Variants in GPBP1L1 observed in about 807,000 individuals in gnomAD.
The protein encoded by GPBP1L1 is GC-rich promoter binding protein 1 like 1, also known as vasculin-like protein 1.
In GPBP1L1, 23 loss-of-function variants were observed where a neutral mutation model predicts 52.5. The observed-to-expected ratio is 0.44, with a 90% CI of 0.32 to 0.62. The LOEUF (loss-of-function observed/expected upper bound fraction) is 0.62. Ranked by LOEUF, GPBP1L1 falls within the 20% of genes least tolerant of loss-of-function variation. The pLI, the probability that GPBP1L1 is intolerant of heterozygous loss-of-function variation, is 0.06. For synonymous variants in GPBP1L1, 243 were observed against 203.1 expected, an observed-to-expected ratio of 1.20 and a Z score of -1.67; for missense variants, 596 against 579.3, an observed-to-expected ratio of 1.03 and a Z score of -0.30.
Position 45,654,741 on chromosome 1 carries a change from T to C in GPBP1L1, c.279A>G (p.Pro93=), listed in dbSNP as rs762169342. ...CTCGGGAAGAGCTATGCCAACCAGATGGGTTCCCTGTGATTCCAGCATATG... is the reference window on the plus strand; with the variant it reads ...CTCGGGAAGAGCTATGCCAACCAGACGGGTTCCCTGTGATTCCAGCATATG... ...KGAYAGITGN[P]SGWHSSSRGH... Residue 93 remains proline, a synonymous_variant, in exon 6 of 13, where the codon CCA becomes CCG. Transcript: ENST00000355105. The C allele has an allele frequency of 1.1e-5, 17 of 1,614,008 alleles. No individual in the cohort carries two copies. In the African/African-American group the frequency reaches 1.1e-4, roughly 10 times the overall value.
At chr1:45,682,121 A>T (rs1284523500) in intron 2 of GPBP1L1, among the ~76,000 whole-genome samples, 1 of 152,266 alleles carries the variant, frequency 6.6e-6, no homozygotes, top group Non-Finnish European at 1.5e-5. Flanking sequence ...GGTAAGACGA[A>T]TTAAAAAGTA....
intron 7 of GPBP1L1, among the ~76,000 whole-genome samples, chr1:45,642,215 T>C (rs1257864839): frequency 6.6e-6 from 1 of 152,178 alleles, no homozygotes; most frequent in Non-Finnish European, 1.5e-5. Context: ...GTCTGTATTT[T>C]GACTCTACTA....
intron 6 of GPBP1L1, among the ~76,000 whole-genome samples, chr1:45,644,862 T>C (rs1201681313): frequency 1.3e-5 from 2 of 152,212 alleles, no homozygotes; most frequent in African/African-American, 4.8e-5. Context: ...CTTTATAAAG[T>C]AGTATACTTC....
chr1:45,659,497 G>A (rs1431842402), intron 3 of GPBP1L1, among the ~76,000 whole-genome samples: 2 of 152,074 alleles, frequency 1.3e-5, no homozygotes, highest in African/African-American at 4.8e-5. Flanking sequence ...TGCGCCCAGT[G>A]AATCTGGAAG....
At chr1:45,667,178 C>T (rs11211158) in intron 2 of GPBP1L1, among the ~76,000 whole-genome samples, 2 of 151,708 alleles carry the variant, frequency 1.3e-5, no homozygotes, top group African/African-American at 4.8e-5. Context: ...TTTTTAATTG[C>T]TTATGATGGT....
chr1:45,631,593 T>TA (rs1286606073), intron 10 of GPBP1L1, among the ~76,000 whole-genome samples: 3 of 151,998 alleles, frequency 2.0e-5, no homozygotes, highest in South Asian at 4.2e-4. Flanking sequence ...TTCATTAAAA[T>TA]AAAAAAAATT....
At chr1:45,651,382 G>C (rs150722059) in intron 6 of GPBP1L1, 112 of 384,140 alleles carry the variant, frequency 2.9e-4, no homozygotes, top group African/African-American at 2.3e-3. Context: ...GAGTCTTCGT[G>C]TTCTCCACCA....
intron 2 of GPBP1L1, among the ~76,000 whole-genome samples, chr1:45,666,283 C>T (rs752772658): frequency 6.6e-6 from 1 of 151,800 alleles, no homozygotes; most frequent in Non-Finnish European, 1.5e-5. Context: ...GTAGCTGGGA[C>T]TACAGGCGCC....
chr1:45,645,724 T>C (rs537114230), intron 6 of GPBP1L1: 2 of 339,608 alleles, frequency 5.9e-6, no homozygotes, highest in Non-Finnish European at 1.1e-5. Context: ...TGTTCTTCAG[T>C]AGTTCTCAGG....
intron 8 of GPBP1L1, among the ~76,000 whole-genome samples, chr1:45,637,465 C>T (rs934483026): frequency 1.4e-5 from 2 of 147,924 alleles, no homozygotes; most frequent in African/African-American, 5.0e-5. Context: ...CCACCTCTGC[C>T]AACTGTTACC....
chr1:45,674,119 G>C (rs1415251936), intron 2 of GPBP1L1, among the ~76,000 whole-genome samples: 2 of 152,098 alleles, frequency 1.3e-5, no homozygotes, highest in African/African-American at 4.8e-5. Context: ...AACTTCAATG[G>C]CTTACACTGT....
intron 6 of GPBP1L1, among the ~76,000 whole-genome samples, chr1:45,650,292 T>A (rs1202272148): frequency 7.2e-5 from 11 of 152,164 alleles, no homozygotes. Flanking sequence ...ATCACCAACT[T>A]ACTCTCTAAC....
At chr1:45,650,224 C>T (rs573923455) in intron 6 of GPBP1L1, among the ~76,000 whole-genome samples, 15 of 152,240 alleles carry the variant, frequency 9.9e-5, no homozygotes, top group Non-Finnish European at 1.8e-4. Flanking sequence ...TCTCCTAATC[C>T]TAGAACACTC....
chr1:45,645,989 CT>C, intron 6 of GPBP1L1: 1 of 505,958 alleles, frequency 2.0e-6, no homozygotes, highest in Admixed American at 2.1e-5. Context: ...GGGCTCTACA[CT>C]TGTTTAGCCT....
At chr1:45,651,283 G>A (rs1018531721) in intron 6 of GPBP1L1, 4 of 396,362 alleles carry the variant, frequency 1.0e-5, no homozygotes, top group Non-Finnish European at 1.9e-5. Flanking sequence ...CCTTGATAAT[G>A]CAGTAAGGGA....
intron 1 of GPBP1L1, among the ~76,000 whole-genome samples, chr1:45,685,851 G>A (rs1557728246): frequency 6.6e-6 from 1 of 152,094 alleles, no homozygotes; most frequent in Non-Finnish European, 1.5e-5. Flanking sequence ...AGCTTTCCCT[G>A]CCCCTCCAAG....
intron 9 of GPBP1L1, 161 bp downstream of exon 9, chr1:45,633,935 T>C: frequency 1.2e-6 from 1 of 805,870 alleles, no homozygotes; most frequent in Non-Finnish European, 1.9e-6. Context: ...ATTTAGCCAC[T>C]GCCCACTTTT....
chr1:45,656,840 TGTTG>T (rs1644890844), intron 4 of GPBP1L1, among the ~76,000 whole-genome samples: 1 of 138,212 alleles, frequency 7.2e-6, no homozygotes, highest in African/African-American at 2.6e-5. Context: ...TAGTTTTTGT[TGTTG>T]TTTTTTTTTT....
chr1:45,645,237 T>C (rs377146398), intron 6 of GPBP1L1, among the ~76,000 whole-genome samples: 1 of 152,342 alleles, frequency 6.6e-6, no homozygotes. Flanking sequence ...GCTATGGGGT[T>C]GTTCACTGTT....
Sources: allele counts gnomAD v4.1 joint callset (sites outside exome capture counted in the v4.1 genomes callset), GRCh38; gene constraint gnomAD v4.1.1; transcripts MANE v1.5; gene names NCBI Gene and HGNC (gene_info 2026-07-23, HGNC 2026-07-21).